UBE3A: variants seen among roughly 807,000 people sequenced by gnomAD.
UBE3A encodes ubiquitin-protein ligase E3A.
Under a neutral mutation model 83.4 loss-of-function variants are expected in UBE3A, and 6 were observed. That is an observed-to-expected ratio of 0.07 (90% CI 0.04 to 0.14). UBE3A has a LOEUF of 0.14. Among genes scored for constraint, UBE3A ranks in the 10% least tolerant of loss-of-function variants. The probability of loss-of-function intolerance (pLI) is 1.00; values close to 1 mark genes in which losing one functional copy is unlikely to be tolerated. For synonymous variants in UBE3A, 337 were observed against 355.4 expected (o/e 0.95, Z 0.58); for missense variants, 456 against 1,036.1 (o/e 0.44, Z 7.69).
chr15:25,421,957 T>C (rs1889942272), intron 1 of UBE3A: 4 of 152,164 alleles, frequency 2.6e-5, no homozygotes, highest in Admixed American at 2.6e-4. Context: ...TTTAAGGTAT[T>C]TACCCTAGAA....
intron 6 of UBE3A, among the ~76,000 whole-genome samples, chr15:25,367,229 T>TAAA (rs2079373167): frequency 1.3e-5 from 1 of 79,694 alleles, no homozygotes; most frequent in Admixed American, 1.1e-4. Context: ...ATTTACATAT[T>TAAA]TGTAAATATG....
At chr15:25,399,435 T>G (rs911879671) in intron 4 of UBE3A, among the ~76,000 whole-genome samples, 4 of 152,202 alleles carry the variant, frequency 2.6e-5, no homozygotes, top group Admixed American at 2.6e-4. Context: ...TATTCCATTT[T>G]CCCAACACCA....
chr15:25,406,102 A>G (rs1011091730), intron 3 of UBE3A, among the ~76,000 whole-genome samples: 1 of 152,166 alleles, frequency 6.6e-6, no homozygotes, highest in African/African-American at 2.4e-5. Context: ...TAAAATATTT[A>G]TTTTCTGGCC....
intron 3 of UBE3A, chr15:25,408,513 T>C: frequency 7.2e-7 from 1 of 1,398,258 alleles, no homozygotes; most frequent in Non-Finnish European, 1.0e-6. Context: ...AATCTCAGAA[T>C]GAGAATCAAT....
intron 8 of UBE3A, among the ~76,000 whole-genome samples, 169 bp from the exon 9 acceptor site, chr15:25,356,225 A>G (rs2077191600): frequency 6.6e-6 from 1 of 151,442 alleles, no homozygotes; most frequent in South Asian, 2.1e-4. Context: ...TAAAAGAAAG[A>G]TTGTCAGTCA....
intron 6 of UBE3A, among the ~76,000 whole-genome samples, chr15:25,365,542 A>AT (rs1435662718): frequency 6.7e-6 from 1 of 149,718 alleles, no homozygotes; most frequent in Non-Finnish European, 1.5e-5. Context: ...AGGTCAGGAG[A>AT]TTGAGACCAT....
At chr15:25,361,393 G>A (rs1197430888) in intron 6 of UBE3A, among the ~76,000 whole-genome samples, 2 of 151,938 alleles carry the variant, frequency 1.3e-5, no homozygotes, top group Admixed American at 6.6e-5. Context: ...CAAAGTGCTG[G>A]GATTACAGGC....
chr15:25,408,621 TC>T, intron 3 of UBE3A: 1 of 1,613,868 alleles, frequency 6.2e-7, no homozygotes, highest in Middle Eastern at 1.7e-4. Flanking sequence ...GTGGCTCACT[TC>T]CAATAACACT....
intron 4 of UBE3A, among the ~76,000 whole-genome samples, chr15:25,382,167 A>C (rs937173499): frequency 6.6e-6 from 1 of 152,102 alleles, no homozygotes; most frequent in Non-Finnish European, 1.5e-5. Context: ...AAATACAAAA[A>C]AAAATTAGCT....
At chr15:25,341,033 G>T (rs570720174) in intron 11 of UBE3A, among the ~76,000 whole-genome samples, 2 of 152,160 alleles carry the variant, frequency 1.3e-5, no homozygotes, top group East Asian at 3.9e-4. Flanking sequence ...GAATAATCAG[G>T]CATCTATAAA....
In UBE3A at chr15:25,336,469, T is replaced by C. The variant is rs1052435106; in HGVS notation, c.*2668A>G. 11 of 152,222 alleles carry C rather than the reference T, an allele frequency of 7.2e-5. No individual in the cohort carries two copies. The highest frequency in any genetic ancestry group is 2.4e-4 in the African/African-American group (10 of 41,464). 9.4% of individuals were successfully genotyped at this position (152,222 alleles called of 1,614,324 possible). ...GTGATGCTGCCCCATTACAACCATC[T>C]GTTCTAACAGAATGTCTGTACCGAG... On this transcript the variant is annotated 3_prime_UTR_variant, in exon 13 of 13. Coordinates refer to ENST00000648336, the MANE Select transcript of UBE3A (RefSeq NM_130839.5).
chr15:25,340,714 A>AAAAG (rs149541253), intron 11 of UBE3A, among the ~76,000 whole-genome samples: 6,723 of 152,206 alleles, frequency 0.044, 480 homozygotes, highest in African/African-American at 0.15. Context: ...GATTAAGGAC[A>AAAAG]AAAGAAAAAA....
chr15:25,376,622 A>C lies in UBE3A; in HGVS notation c.63-859T>G, dbSNP rs912297481. Among the ~76,000 whole-genome samples, 4 of 152,190 alleles carry C rather than the reference A, an allele frequency of 2.6e-5. No homozygotes were observed. In the South Asian group the frequency reaches 8.3e-4, roughly 31 times the overall value. ...GCACCACTGCACTCCAGCCTGGGCAACAGAGCTAGACTTTGTCTCAAAAAC... is the reference window on the plus strand; with the variant it reads ...GCACCACTGCACTCCAGCCTGGGCACCAGAGCTAGACTTTGTCTCAAAAAC... On this transcript the variant is annotated intron_variant, in intron 4 of 12. Coordinates refer to ENST00000648336, the MANE Select transcript of UBE3A (RefSeq NM_130839.5).
At chr15:25,431,711 T>C (rs1279497093) in intron 1 of UBE3A, among the ~76,000 whole-genome samples, 1 of 152,086 alleles carries the variant, frequency 6.6e-6, no homozygotes, top group Non-Finnish European at 1.5e-5. Flanking sequence ...GAAAGAAAAA[T>C]GTTACCCAAT....
intron 1 of UBE3A, among the ~76,000 whole-genome samples, chr15:25,436,922 T>C (rs770080210): frequency 5.9e-5 from 9 of 152,210 alleles, no homozygotes; most frequent in Admixed American, 1.3e-4. Flanking sequence ...AGCAAACTAA[T>C]GCAGGTTAAT....
intron 7 of UBE3A, among the ~76,000 whole-genome samples, chr15:25,360,182 A>G (rs2077836062): frequency 1.3e-5 from 2 of 152,248 alleles, no homozygotes; most frequent in Admixed American, 6.5e-5. Context: ...CCTTCTAAGA[A>G]ATAAAAGAAT....
At chr15:25,430,051 T>TATATATA (rs1567190959) in intron 1 of UBE3A, among the ~76,000 whole-genome samples, 2 of 78,046 alleles carry the variant, frequency 2.6e-5, no homozygotes, top group African/African-American at 7.5e-5. Context: ...ATATATATAT[T>TATATATA]TATATGTATT....
At chr15:25,399,840 A>G (rs1000127333) in intron 4 of UBE3A, among the ~76,000 whole-genome samples, 2 of 151,962 alleles carry the variant, frequency 1.3e-5, no homozygotes, top group African/African-American at 4.8e-5. Context: ...AGTCTCCCAG[A>G]GTGTGGGAAT....
At chr15:25,361,727 C>T (rs2078146074) in intron 6 of UBE3A, among the ~76,000 whole-genome samples, 1 of 152,102 alleles carries the variant, frequency 6.6e-6, no homozygotes, top group Non-Finnish European at 1.5e-5. Flanking sequence ...TGCCTTCAAA[C>T]ATCTGTTGGC....
Sources: allele counts gnomAD v4.1 joint callset (sites outside exome capture counted in the v4.1 genomes callset), GRCh38; gene constraint gnomAD v4.1.1; transcripts MANE v1.5; gene names NCBI Gene and HGNC (gene_info 2026-07-23, HGNC 2026-07-21).